CAMTA1: variants seen among roughly 807,000 people sequenced by gnomAD.
CAMTA1 encodes calmodulin binding transcription activator 1, also known as calmodulin-binding transcription activator 1.
A neutral mutation model predicts 170.9 loss-of-function variants in CAMTA1; 27 were observed. The ratio of observed to expected loss-of-function variants is 0.16; its 90% CI spans 0.12 to 0.22. The LOEUF (loss-of-function observed/expected upper bound fraction) is 0.22. CAMTA1 is among the 10% of genes least tolerant of loss of function. The pLI is 1.00. For synonymous variants in CAMTA1, 833 were observed against 891.5 expected (o/e 0.93, Z 1.17); for missense variants, 1,619 against 2,217.2 (o/e 0.73, Z 5.42).
At chr1:7,139,147 A>AT (rs1432430684) in intron 4 of CAMTA1, among the ~76,000 whole-genome samples, 1 of 143,112 alleles carries the variant, frequency 7.0e-6, no homozygotes, top group Admixed American at 7.2e-5. Flanking sequence ...ATAAACAAAT[A>AT]TATAAATATA....
At chr1:7,715,344 T>C (rs987025244) in intron 11 of CAMTA1, among the ~76,000 whole-genome samples, 3 of 152,144 alleles carry the variant, frequency 2.0e-5, no homozygotes, top group African/African-American at 4.8e-5. Flanking sequence ...AACCATTCCG[T>C]CAACCACTTG....
chr1:7,605,962 C>T (rs887054100), intron 6 of CAMTA1, among the ~76,000 whole-genome samples: 1 of 152,244 alleles, frequency 6.6e-6, no homozygotes, highest in African/African-American at 2.4e-5. Flanking sequence ...ACACTGTCCT[C>T]CCTTGGATCT....
At chr1:7,326,433 G>A (rs1406327933) in intron 5 of CAMTA1, among the ~76,000 whole-genome samples, 1 of 152,190 alleles carries the variant, frequency 6.6e-6, no homozygotes, top group Non-Finnish European at 1.5e-5. Context: ...CCCAGCACCT[G>A]TGAATGTGAC....
At chr1:7,176,331 A>G (rs935557551) in intron 4 of CAMTA1, among the ~76,000 whole-genome samples, 2 of 152,194 alleles carry the variant, frequency 1.3e-5, no homozygotes, top group Non-Finnish European at 2.9e-5. Flanking sequence ...AGGCATTCTG[A>G]GCTCTGTGGT....
At chr1:7,765,782 C>T (rs1422712357) in intron 22 of CAMTA1, among the ~76,000 whole-genome samples, 3 of 152,158 alleles carry the variant, frequency 2.0e-5, no homozygotes, top group East Asian at 1.9e-4. Context: ...AATCCCAGCA[C>T]TTTGGGAGGC....
At chr1:7,458,645 G>C (rs748330682) in intron 5 of CAMTA1, among the ~76,000 whole-genome samples, 5 of 152,214 alleles carry the variant, frequency 3.3e-5, no homozygotes, top group Non-Finnish European at 7.3e-5. Flanking sequence ...CACTTGGGGA[G>C]CCTGGGCCTG....
rs188480022 is a variant in CAMTA1, at chr1:7,542,989, C to T, written c.510+75088C>T. Among the ~76,000 whole-genome samples the T allele has an allele frequency of 8.4e-3, 1,277 of 151,680 alleles. 8 individuals are homozygous for T. The highest frequency in any genetic ancestry group is 0.029 in the African/African-American group (1,217 of 41,324). ...ACGCCATTCTCCTGCCTCAGCCTCC[C>T]GAGTAGCTGGGACTACAGGCGCCCT... On this transcript the variant is annotated intron_variant, in intron 6 of 22. Transcript: ENST00000303635.
chr1:7,383,336 G>A (rs2087565180), intron 5 of CAMTA1, among the ~76,000 whole-genome samples: 1 of 151,950 alleles, frequency 6.6e-6, no homozygotes, highest in African/African-American at 2.4e-5. Flanking sequence ...TTACTCAGAC[G>A]CCTAATTATT....
At chr1:7,160,316 C>T (rs748486140) in intron 4 of CAMTA1, among the ~76,000 whole-genome samples, 19 of 152,126 alleles carry the variant, frequency 1.2e-4, no homozygotes, top group Non-Finnish European at 2.5e-4. Context: ...GCTTTACTCC[C>T]CCTGTCCCTC....
In CAMTA1 at chr1:7,665,230, C is replaced by T. The variant is rs2095990729; in HGVS notation, c.2652+31C>T. 3.5e-6 allele frequency: 5 copies of T among 1,425,860 alleles called. No individual in the cohort carries two copies. The South Asian group carries it at 8.5e-5, about 24-fold the overall frequency. 88.3% of individuals were successfully genotyped at this position (1,425,860 alleles called of 1,614,324 possible). A position where few individuals can be genotyped will look rare whatever the true frequency, so the allele number is the denominator to read the frequency against. Reference sequence around the variant, plus strand: ...CTGCCGCCGCTGCCACCACCTGTCACCTCCCCTCCCACCCACCTCGCCAGC... The same window carrying T: ...CTGCCGCCGCTGCCACCACCTGTCATCTCCCCTCCCACCCACCTCGCCAGC... On this transcript the variant is annotated intron_variant, in intron 9 of 22. Transcript: ENST00000303635. This position sits in a 1 kb window ranked among gnomAD's most constrained non-coding sequence, Gnocchi z 4.3.
chr1:7,591,518 G>T (rs1353027514), intron 6 of CAMTA1, among the ~76,000 whole-genome samples: 1 of 152,182 alleles, frequency 6.6e-6, no homozygotes, highest in Non-Finnish European at 1.5e-5. Flanking sequence ...AAGTTTCCAG[G>T]AATAATTAAA....
chr1:7,357,095 AC>A (rs1355078538), intron 5 of CAMTA1, among the ~76,000 whole-genome samples: 1 of 152,088 alleles, frequency 6.6e-6, no homozygotes, highest in East Asian at 1.9e-4. Flanking sequence ...CTATGCACAG[AC>A]CCTACTGGTG....
At chr1:7,237,898 A>T (rs1180193172) in intron 4 of CAMTA1, among the ~76,000 whole-genome samples, 1 of 152,256 alleles carries the variant, frequency 6.6e-6, no homozygotes, top group East Asian at 1.9e-4. Context: ...GTGCTATATG[A>T]CAGGCAGCAC....
At chr1:6,900,283 T>C (rs989325861) in intron 3 of CAMTA1, among the ~76,000 whole-genome samples, 5 of 151,500 alleles carry the variant, frequency 3.3e-5, no homozygotes, top group African/African-American at 9.7e-5. Flanking sequence ...TAAGTTATCA[T>C]AGCCACCAGA....
chr1:6,854,868 G>C lies in CAMTA1; in HGVS notation c.234+29658G>C, dbSNP rs2148840211. Among the ~76,000 whole-genome samples the C allele has an allele frequency of 1.3e-5, 2 of 152,282 alleles. 1 individual carries two copies. The highest frequency in any genetic ancestry group is 4.1e-4 in the South Asian group (2 of 4,820). On this transcript the variant is annotated intron_variant, in intron 3 of 22. Coordinates refer to ENST00000303635, the MANE Select transcript of CAMTA1 (RefSeq NM_015215.4). ...GAATGAAAGTTAACTTCCTTAATTT[G>C]ATAAAGATTACTCAGAAAAATCCTA...
intron 4 of CAMTA1, among the ~76,000 whole-genome samples, chr1:7,180,249 C>A (rs1651827948): frequency 1.3e-5 from 2 of 152,018 alleles, no homozygotes; most frequent in Non-Finnish European, 2.9e-5. Context: ...TTCCTGTAAT[C>A]CCAGCTACTT....
intron 3 of CAMTA1, among the ~76,000 whole-genome samples, chr1:7,023,449 A>C (rs116816749): frequency 0.024 from 3,632 of 152,342 alleles, 126 homozygotes; most frequent in African/African-American, 0.082. Flanking sequence ...ATAATCCACA[A>C]ATGCTGTGAA....
At chr1:7,491,071 T>G (rs960581563) in intron 6 of CAMTA1, among the ~76,000 whole-genome samples, 45 of 152,346 alleles carry the variant, frequency 3.0e-4, no homozygotes, top group African/African-American at 1.1e-3. Flanking sequence ...AAACTCCTTC[T>G]GTTCCCTTCC....
rs138206520 is a variant in CAMTA1, at chr1:7,336,746, G to A, written c.438+87120G>A. Among the ~76,000 whole-genome samples the A allele has an allele frequency of 7.9e-5, 12 of 152,286 alleles. No individual in the cohort carries two copies. In the South Asian group the frequency reaches 1.9e-3, roughly 24 times the overall value. ...CCTTGATCGCATTTCTCTGTTTCACGTCCCGAGGTGGGCAGGGGGCTGGGA... is the reference window on the plus strand; with the variant it reads ...CCTTGATCGCATTTCTCTGTTTCACATCCCGAGGTGGGCAGGGGGCTGGGA... On this transcript the variant is annotated intron_variant, in intron 5 of 22. Transcript: ENST00000303635.
Sources: allele counts gnomAD v4.1 joint callset (sites outside exome capture counted in the v4.1 genomes callset), GRCh38; gene constraint gnomAD v4.1.1; non-coding constraint Gnocchi (gnomAD v3.1); transcripts MANE v1.5; gene names NCBI Gene and HGNC (gene_info 2026-07-23, HGNC 2026-07-21).